The following KDM4B variants were observed in gnomAD, a reference collection of about 807,000 sequenced individuals.
KDM4B encodes lysine-specific demethylase 4B.
A neutral mutation model predicts 125.2 loss-of-function variants in KDM4B; 32 were observed. The observed-to-expected ratio is 0.26, with a 90% CI of 0.19 to 0.34. The LOEUF (loss-of-function observed/expected upper bound fraction) is 0.34. Ranked by LOEUF, KDM4B falls within the 10% of genes least tolerant of loss-of-function variation. The pLI, the probability that KDM4B is intolerant of heterozygous loss-of-function variation, is 1.00. For synonymous variants in KDM4B, 721 were observed against 677.9 expected (o/e 1.06, Z -0.99); for missense variants, 1,190 against 1,577.7 (o/e 0.75, Z 4.16).
intron 9 of KDM4B, among the ~76,000 whole-genome samples, chr19:5,108,791 G>C (rs2145978999): frequency 6.6e-6 from 1 of 152,342 alleles, no homozygotes; most frequent in East Asian, 1.9e-4. Context: ...GTGGGCTTCT[G>C]AGGCTGAGAT....
In KDM4B at chr19:5,110,766, C is replaced by G. The variant is rs747235588; in HGVS notation, c.1063C>G (p.Leu355Val). Residue 355 changes from leucine to valine, a missense_variant, in exon 10 of 23, where the codon CTG (leucine) becomes GTG (valine). Leu to Val is a conservative substitution (Grantham distance 32, BLOSUM62 1). Coordinates refer to ENST00000159111, the MANE Select transcript of KDM4B (RefSeq NM_015015.3). Reference sequence around the variant, plus strand: ...GCCCACGGCGCTCACCAGCCCCGAGCTGAGCTCCTGGAGTGCATCCCGGGC... The same window carrying G: ...GCCCACGGCGCTCACCAGCCCCGAGGTGAGCTCCTGGAGTGCATCCCGGGC... The part of the protein sequence containing the change: ...TRPTALTSPE[L>V]SSWSASRASL... 3 of 1,609,170 alleles carry G rather than the reference C, an allele frequency of 1.9e-6. No individual in the cohort carries two copies. The highest frequency in any genetic ancestry group is 2.2e-5 in the East Asian group (1 of 44,728).
chr19:5,046,032 C>T (rs1187055136), intron 5 of KDM4B, among the ~76,000 whole-genome samples: 1 of 152,198 alleles, frequency 6.6e-6, no homozygotes, highest in Non-Finnish European at 1.5e-5. Flanking sequence ...GCTTGTCTTT[C>T]TCTTACGGAT....
rs1030349414 is a variant in KDM4B, at chr19:5,151,566, C to T, written c.*55C>T. 5.2e-5 allele frequency: 66 copies of T among 1,270,314 alleles called. No homozygotes were observed. The East Asian group carries it at 5.3e-4, about 10-fold the overall frequency. The allele number at this position is 1,270,314 out of a possible 1,614,324, so 78.7% of individuals were successfully genotyped here. A position where few individuals can be genotyped will look rare whatever the true frequency, so the allele number is the denominator to read the frequency against. On this transcript the variant is annotated 3_prime_UTR_variant, in exon 23 of 23. Coordinates refer to ENST00000159111, the MANE Select transcript of KDM4B (RefSeq NM_015015.3). ...CCGGCGGGGAGGCCATGGCATGCCC[C>T]GGGCGTTCGCTTGCTGTGAATTCCT... is the stretch of plus-strand genomic sequence containing the variant.
chr19:4,972,869 C>T lies in KDM4B; in HGVS notation c.-109+3639C>T, dbSNP rs141323226. 5.3e-4 allele frequency among the ~76,000 whole-genome samples: 80 copies of T among 152,334 alleles called. 1 individual carries two copies. The highest frequency in any genetic ancestry group is 1.8e-3 in the African/African-American group (76 of 41,588). On this transcript the variant is annotated intron_variant, in intron 1 of 22. Coordinates refer to ENST00000159111, the MANE Select transcript of KDM4B (RefSeq NM_015015.3). ...CCACCTGAGAGGACAGGAGCCCCCA[C>T]GGGGTCCCCTGCACGCCCTGCAATG... is the stretch of plus-strand genomic sequence containing the variant.
intron 11 of KDM4B, among the ~76,000 whole-genome samples, chr19:5,122,108 C>T (rs2039372033): frequency 1.3e-5 from 2 of 152,198 alleles, no homozygotes; most frequent in Admixed American, 1.3e-4. Context: ...GTCTGACAGG[C>T]CTCACTGGGC....
chr19:5,006,354 C>G (rs2035559334), intron 1 of KDM4B, among the ~76,000 whole-genome samples: 1 of 152,172 alleles, frequency 6.6e-6, no homozygotes, highest in Non-Finnish European at 1.5e-5. Context: ...GCTCCTCCCA[C>G]CCCTCCTCAC....
intron 6 of KDM4B, among the ~76,000 whole-genome samples, chr19:5,063,772 G>T (rs573600922): frequency 2.0e-5 from 3 of 152,372 alleles, no homozygotes; most frequent in African/African-American, 7.2e-5. Context: ...GGCGCTCAGA[G>T]AACTTGGCCA....
intron 11 of KDM4B, among the ~76,000 whole-genome samples, chr19:5,121,417 T>G (rs768562704): frequency 6.6e-6 from 1 of 152,144 alleles, no homozygotes; most frequent in Non-Finnish European, 1.5e-5. Context: ...GCACTGTTAT[T>G]ATGTAGCGAC....
intron 1 of KDM4B, among the ~76,000 whole-genome samples, chr19:4,980,951 G>A (rs189439769): frequency 6.7e-6 from 1 of 149,576 alleles, no homozygotes; most frequent in East Asian, 1.9e-4. Context: ...TGGGGCTGGG[G>A]TGGGCGGGGT....
intron 9 of KDM4B, among the ~76,000 whole-genome samples, chr19:5,083,844 G>C (rs1048365120): frequency 6.6e-6 from 1 of 152,196 alleles, no homozygotes; most frequent in East Asian, 1.9e-4. Flanking sequence ...CTCCAGAGCC[G>C]GGGTCAGCAC....
chr19:4,983,345 C>T lies in KDM4B; in HGVS notation c.-109+14115C>T, dbSNP rs11880633. ...CCTCCCAATCCTGCCCCCGCCTATC[C>T]CAGGCAGGACTTATGGCTCTGATGG... On this transcript the variant is annotated intron_variant, in intron 1 of 22. Transcript: ENST00000159111. 8.6e-3 allele frequency among the ~76,000 whole-genome samples: 1,303 copies of T among 152,292 alleles called. 20 individuals carry two copies. Among genetic ancestry groups the T allele is most frequent in the African/African-American group, 0.029 (1,225 of 41,562 alleles).
chr19:5,048,868 G>A (rs2037127126), intron 6 of KDM4B, among the ~76,000 whole-genome samples: 1 of 152,184 alleles, frequency 6.6e-6, no homozygotes, highest in African/African-American at 2.4e-5. Context: ...GGGAAGTGGC[G>A]AGCAGCCGGC....
At chr19:5,146,242 C>CT (rs1432877116) in intron 21 of KDM4B, among the ~76,000 whole-genome samples, 1 of 148,590 alleles carries the variant, frequency 6.7e-6, no homozygotes, top group Non-Finnish European at 1.5e-5. Flanking sequence ...CAGGACCCCC[C>CT]CCGCTCCGCC....
chr19:5,004,718 G>A (rs2035503145), intron 1 of KDM4B, among the ~76,000 whole-genome samples: 1 of 152,186 alleles, frequency 6.6e-6, no homozygotes, highest in South Asian at 2.1e-4. Context: ...GTCACCCACA[G>A]AGGGGCAGGA....
rs1024925367 is a variant in KDM4B, at chr19:5,020,611, G to T, written c.-26+4272G>T. On this transcript the variant is annotated intron_variant, in intron 2 of 22. Transcript: ENST00000159111. Reference sequence around the variant, plus strand: ...TGGTGCCCAGAGGAAGCCAGGCCGCGGGCGCTGGGGGAAGGGGGTCCCACT... The same window carrying T: ...TGGTGCCCAGAGGAAGCCAGGCCGCTGGCGCTGGGGGAAGGGGGTCCCACT... Among the ~76,000 whole-genome samples, 6 of 152,170 alleles carry T rather than the reference G, an allele frequency of 3.9e-5. No individual in the cohort carries two copies. In the East Asian group the frequency reaches 1.2e-3, roughly 29 times the overall value.
Position 5,012,462 on chromosome 19 carries a change from C to T in KDM4B, c.-108-3795C>T, listed in dbSNP as rs148892712. Among the ~76,000 whole-genome samples the T allele has an allele frequency of 3.5e-3, 528 of 152,168 alleles. 3 individuals are homozygous for T. Among genetic ancestry groups the T allele is most frequent in the African/African-American group, 0.011 (477 of 41,524 alleles). On this transcript the variant is annotated intron_variant, in intron 1 of 22. Transcript: ENST00000159111. ...CAGGGCCCCCCACACCGGGATTCCT[C>T]GTGGCCCGTAGCCGTCCCAGGATCC...
intron 5 of KDM4B, among the ~76,000 whole-genome samples, chr19:5,044,955 C>A (rs1480785465): frequency 6.6e-6 from 1 of 152,188 alleles, no homozygotes; most frequent in Non-Finnish European, 1.5e-5. Flanking sequence ...CTGAATAATA[C>A]TCCATGGTCC....
intron 1 of KDM4B, among the ~76,000 whole-genome samples, chr19:4,991,246 G>A (rs1274446006): frequency 2.0e-5 from 3 of 151,830 alleles, no homozygotes. Context: ...ATCAACCCAT[G>A]GCAACCCCCC....
rs35255064 is a variant in KDM4B at position 5,151,384 on chromosome 19, C to T, written c.3164C>T (p.Ala1055Val). 1,718 of 1,587,856 alleles carry T rather than the reference C, an allele frequency of 1.1e-3. 1 individual carries two copies. Among genetic ancestry groups the T allele is most frequent in the Non-Finnish European group, 1.4e-3 (1,597 of 1,169,298 alleles). ...GAGCCCGCCTTCTCGGGGGAGGAGG[C>T]CAAGGCCGCCAAGCGCCCGCGTGTG... is the stretch of plus-strand genomic sequence containing the variant. ...PQEPAFSGEE[A>V]KAAKRPRVGT... is the part of the protein sequence containing the mutation. Residue 1055 changes from alanine to valine, a missense_variant, in exon 23 of 23, where the codon GCC becomes GTC. By Grantham distance (64) the Ala-to-Val change is moderately conservative (BLOSUM62 0). Around this residue, in one of 7 missense-constraint regions of KDM4B, gnomAD observed 109 missense variants for 93.8 expected, o/e 1.16. Transcript: ENST00000159111.
Sources: allele counts gnomAD v4.1 joint callset (sites outside exome capture counted in the v4.1 genomes callset), GRCh38; gene constraint gnomAD v4.1.1; regional missense constraint gnomAD v4.1.1; transcripts MANE v1.5; gene names NCBI Gene and HGNC (gene_info 2026-07-23, HGNC 2026-07-21).